CAMTA1: variants seen among roughly 807,000 people sequenced by gnomAD.
The protein encoded by CAMTA1 is calmodulin binding transcription activator 1.
Under a neutral mutation model 170.9 loss-of-function variants are expected in CAMTA1, and 27 were observed. The ratio of observed to expected loss-of-function variants is 0.16; its 90% CI spans 0.12 to 0.22. The LOEUF is 0.22. Among genes scored for constraint, CAMTA1 ranks in the 10% least tolerant of loss-of-function variants. CAMTA1 has a pLI of 1.00. For missense variants in CAMTA1, 1,619 were observed against 2,217.2 expected, an observed-to-expected ratio of 0.73 and a Z score of 5.42; for synonymous variants, 833 against 891.5, an observed-to-expected ratio of 0.93 and a Z score of 1.17.
chr1:6,996,246 T>A (rs1191175964), intron 3 of CAMTA1, among the ~76,000 whole-genome samples: 1 of 152,210 alleles, frequency 6.6e-6, no homozygotes, highest in Non-Finnish European at 1.5e-5. Context: ...TGCTCATATA[T>A]CTTGTAATTT....
At chr1:7,518,456 G>C (rs1344569637) in intron 6 of CAMTA1, among the ~76,000 whole-genome samples, 9 of 151,978 alleles carry the variant, frequency 5.9e-5, no homozygotes, top group African/African-American at 2.2e-4. Flanking sequence ...GGCCCATTTA[G>C]GTGAAGGCTG....
At chr1:7,039,671 AAGTT>A in intron 3 of CAMTA1, among the ~76,000 whole-genome samples, 1 of 152,300 alleles carries the variant, frequency 6.6e-6, no homozygotes, top group East Asian at 1.9e-4. Flanking sequence ...TCTGAAACCA[AAGTT>A]CTAAAAGGCA....
At chr1:7,753,721 C>G (rs1242906455) in intron 21 of CAMTA1, among the ~76,000 whole-genome samples, 1 of 152,208 alleles carries the variant, frequency 6.6e-6, no homozygotes, top group African/African-American at 2.4e-5. Context: ...TAAAAAACGG[C>G]ATTCACTAAG....
At chr1:6,904,153 C>G (rs1005415682) in intron 3 of CAMTA1, among the ~76,000 whole-genome samples, 1 of 152,198 alleles carries the variant, frequency 6.6e-6, no homozygotes, top group Non-Finnish European at 1.5e-5. Flanking sequence ...CCACAGAAAT[C>G]GTGCATCTGC....
At chr1:7,749,969 T>G (rs891997801) in intron 19 of CAMTA1, among the ~76,000 whole-genome samples, 1 of 152,198 alleles carries the variant, frequency 6.6e-6, no homozygotes, top group African/African-American at 2.4e-5. Context: ...GTTATTCAGC[T>G]GGAGTGGGTT....
At chr1:7,201,144 C>T (rs7522879) in intron 4 of CAMTA1, among the ~76,000 whole-genome samples, 71,859 of 151,998 alleles carry the variant, frequency 0.47, 18,851 homozygotes, top group Non-Finnish European at 0.59. Context: ...AGAATGAAAT[C>T]GTATAATATG....
chr1:7,248,934 C>A lies in CAMTA1; in HGVS notation c.303-557C>A, dbSNP rs1156385226. Among the ~76,000 whole-genome samples the A allele has an allele frequency of 6.6e-6, 1 of 152,116 alleles. No homozygotes were observed. Among genetic ancestry groups the A allele is most frequent in the Admixed American group, 6.5e-5 (1 of 15,272 alleles). Reference sequence around the variant, plus strand: ...ACTTAGCTTGCTTGAGAAGCAAGACCGCAGATGCTCTTTCATATCTAGCAG... The same window carrying A: ...ACTTAGCTTGCTTGAGAAGCAAGACAGCAGATGCTCTTTCATATCTAGCAG... On this transcript the variant is annotated intron_variant, in intron 4 of 22. Transcript: ENST00000303635. The surrounding 1 kb of genome is among the most constrained non-coding windows in gnomAD (Gnocchi z 4.0).
intron 7 of CAMTA1, among the ~76,000 whole-genome samples, chr1:7,648,787 ACATT>A (rs1213337657): frequency 4.6e-5 from 7 of 152,250 alleles, no homozygotes; most frequent in Admixed American, 4.6e-4. Flanking sequence ...CCTTCCCCAG[ACATT>A]CTGACTCCCT....
chr1:7,081,684 G>A (rs1341906439), intron 3 of CAMTA1, among the ~76,000 whole-genome samples: 1 of 152,220 alleles, frequency 6.6e-6, no homozygotes, highest in African/African-American at 2.4e-5. Flanking sequence ...AAGCCAGCAG[G>A]TTGAGGTGGT....
intron 5 of CAMTA1, among the ~76,000 whole-genome samples, chr1:7,353,041 G>C (rs185388663): frequency 6.6e-6 from 1 of 152,196 alleles, no homozygotes; most frequent in Non-Finnish European, 1.5e-5. Context: ...TGACCGCCTG[G>C]TGAAAGGAAT....
intron 5 of CAMTA1, among the ~76,000 whole-genome samples, chr1:7,359,245 C>T (rs2085359181): frequency 2.6e-5 from 2 of 78,118 alleles, no homozygotes; most frequent in African/African-American, 7.9e-5. Context: ...CCAGCCTTTC[C>T]TCATCTCTGC....
intron 1 of CAMTA1, among the ~76,000 whole-genome samples, chr1:6,802,305 C>G (rs139832445): frequency 1.3e-5 from 2 of 152,316 alleles, no homozygotes; most frequent in East Asian, 3.9e-4. Context: ...ATCTGACTCC[C>G]ATTTCTATGG....
intron 5 of CAMTA1, among the ~76,000 whole-genome samples, chr1:7,365,196 C>T (rs1484700105): frequency 6.7e-6 from 1 of 148,592 alleles, no homozygotes; most frequent in African/African-American, 2.5e-5. Context: ...CAGCCTCTGT[C>T]TGGAGGCCTT....
chr1:6,892,280 A>T (rs1202267572), intron 3 of CAMTA1, among the ~76,000 whole-genome samples: 1 of 152,190 alleles, frequency 6.6e-6, no homozygotes, highest in Non-Finnish European at 1.5e-5. Flanking sequence ...GCGGGTTGTG[A>T]GTTCATCTCA....
chr1:6,975,360 T>C (rs1693231615), intron 3 of CAMTA1, among the ~76,000 whole-genome samples: 1 of 152,198 alleles, frequency 6.6e-6, no homozygotes, highest in East Asian at 1.9e-4. Flanking sequence ...CAAATTGTCC[T>C]GTGGCTTGCT....
intron 5 of CAMTA1, among the ~76,000 whole-genome samples, chr1:7,448,261 T>C (rs919231152): frequency 1.3e-5 from 2 of 152,064 alleles, no homozygotes; most frequent in African/African-American, 4.8e-5. Context: ...CCTCCAGAAT[T>C]CTGATGCATG....
chr1:7,654,306 A>G (rs2095865394), intron 7 of CAMTA1, among the ~76,000 whole-genome samples: 1 of 151,970 alleles, frequency 6.6e-6, no homozygotes, highest in Non-Finnish European at 1.5e-5. Context: ...CTTGAACCCA[A>G]GGGTCGGAGG....
chr1:6,939,353 C>G (rs1009626528), intron 3 of CAMTA1, among the ~76,000 whole-genome samples: 1 of 152,200 alleles, frequency 6.6e-6, no homozygotes, highest in Non-Finnish European at 1.5e-5. Flanking sequence ...CAGTTTAGAA[C>G]ACATTATGGG....
intron 11 of CAMTA1, among the ~76,000 whole-genome samples, chr1:7,721,581 C>G (rs938751353): frequency 1.3e-5 from 2 of 151,942 alleles, no homozygotes; most frequent in African/African-American, 4.8e-5. Context: ...GGTCGTGAGC[C>G]AGGAATTTTG....
Sources: allele counts gnomAD v4.1 joint callset (sites outside exome capture counted in the v4.1 genomes callset), GRCh38; gene constraint gnomAD v4.1.1; non-coding constraint Gnocchi (gnomAD v3.1); transcripts MANE v1.5; gene names NCBI Gene and HGNC (gene_info 2026-07-23, HGNC 2026-07-21).